Variants in TENM3 observed in about 807,000 individuals in gnomAD.
TENM3 encodes teneurin-3.
A neutral mutation model predicts 255.1 loss-of-function variants in TENM3; 63 were observed. The observed-to-expected ratio is 0.25, with a 90% CI of 0.20 to 0.30. The LOEUF (loss-of-function observed/expected upper bound fraction) is 0.30. Ranked by LOEUF, TENM3 falls within the 10% of genes least tolerant of loss-of-function variation. TENM3 has a pLI of 1.00. For missense variants in TENM3, 2,929 were observed against 3,461.1 expected (o/e 0.85, Z 3.86); for synonymous variants, 1,306 against 1,322.3 (o/e 0.99, Z 0.27).
chr4:182,254,553 G>T (rs1399470313), intron 1 of TENM3, among the ~76,000 whole-genome samples: 1 of 152,134 alleles, frequency 6.6e-6, no homozygotes, highest in Non-Finnish European at 1.5e-5. Context: ...TTTAAAAGCA[G>T]CAGAAGGCTT....
intron 13 of TENM3, among the ~76,000 whole-genome samples, chr4:182,728,039 G>C (rs942229576): frequency 6.6e-6 from 1 of 151,772 alleles, no homozygotes; most frequent in Non-Finnish European, 1.5e-5. Flanking sequence ...TTTAGAGATG[G>C]GGTTTCACCA....
At chr4:181,634,689 AT>A in the TENM3 span, among the ~76,000 whole-genome samples, 4 of 152,206 alleles carry the variant, frequency 2.6e-5, no homozygotes, top group Non-Finnish European at 5.9e-5. Context: ...ATGATCCATA[AT>A]TTACATCAAA....
intron 19 of TENM3, among the ~76,000 whole-genome samples, chr4:182,747,676 C>G (rs1455467852): frequency 6.6e-6 from 1 of 152,124 alleles, no homozygotes; most frequent in Admixed American, 6.5e-5. Context: ...TAAAAATCAA[C>G]TTTGTGAATT....
intron 5 of TENM3, among the ~76,000 whole-genome samples, chr4:182,646,512 C>T (rs1032154601): frequency 7.9e-5 from 12 of 152,004 alleles, no homozygotes; most frequent in African/African-American, 1.5e-4. Flanking sequence ...GAGGCCGAGG[C>T]GGGTGGATTG....
At chr4:182,100,536 T>TATATACACACAC in the TENM3 span, among the ~76,000 whole-genome samples, 2 of 121,566 alleles carry the variant, frequency 1.6e-5, no homozygotes, top group African/African-American at 7.3e-5. Flanking sequence ...TATACACACA[T>TATATACACACAC]ATATATATAC....
chr4:181,658,179 T>C, the TENM3 span, among the ~76,000 whole-genome samples: 1 of 152,202 alleles, frequency 6.6e-6, no homozygotes, highest in Admixed American at 6.5e-5. Context: ...AAAAAATACA[T>C]GAGAAGGTCA....
rs1404569905 is a variant in TENM3, at chr4:182,801,505, T to C, written c.*1154T>C. Reference sequence around the variant, plus strand: ...TTGCAAGTCAATGGGGAGTTGTTGATATAATTAACCCCGAGGTTTTTACTG... The same window carrying C: ...TTGCAAGTCAATGGGGAGTTGTTGACATAATTAACCCCGAGGTTTTTACTG... On this transcript the variant is annotated 3_prime_UTR_variant, in exon 28 of 28. Transcript: ENST00000511685. 2.0e-5 allele frequency: 3 copies of C among 152,194 alleles called. No homozygotes were observed. The highest frequency in any genetic ancestry group is 4.4e-5 in the Non-Finnish European group (3 of 68,030). The allele number at this position is 152,194 out of a possible 1,614,324, so 9.4% of individuals were successfully genotyped here.
intron 1 of TENM3, among the ~76,000 whole-genome samples, chr4:182,228,015 G>A (rs1055228411): frequency 1.3e-5 from 2 of 152,118 alleles, no homozygotes; most frequent in Non-Finnish European, 2.9e-5. Context: ...CATATTTGGA[G>A]TGTTTTTAAG....
chr4:181,973,031 CTG>C, the TENM3 span, among the ~76,000 whole-genome samples: 1 of 152,102 alleles, frequency 6.6e-6, no homozygotes, highest in Non-Finnish European at 1.5e-5. Flanking sequence ...ATTGACAAAA[CTG>C]GAATCAAAAG....
intron 3 of TENM3, among the ~76,000 whole-genome samples, chr4:182,435,052 T>C (rs905033897): frequency 6.6e-6 from 1 of 152,200 alleles, no homozygotes; most frequent in Non-Finnish European, 1.5e-5. Context: ...TCTGGAAATA[T>C]CCCAAGAAGA....
At chr4:182,451,690 C>T (rs1031620596) in intron 3 of TENM3, among the ~76,000 whole-genome samples, 6 of 152,042 alleles carry the variant, frequency 3.9e-5, no homozygotes, top group African/African-American at 1.2e-4. Flanking sequence ...AGAAAATGAC[C>T]CAAATTAAAG....
the TENM3 span, among the ~76,000 whole-genome samples, chr4:181,989,092 C>T: frequency 1.3e-5 from 2 of 151,958 alleles, no homozygotes; most frequent in Admixed American, 1.3e-4. Context: ...TATTGCGGAC[C>T]AGTGGTGTTT....
intron 3 of TENM3, among the ~76,000 whole-genome samples, chr4:182,383,948 G>A (rs570686189): frequency 3.9e-5 from 6 of 152,316 alleles, no homozygotes; most frequent in East Asian, 1.9e-4. Flanking sequence ...AGGCAGGACC[G>A]TATTTCTGTG....
At chr4:182,532,117 A>G (rs1225083898) in intron 3 of TENM3, among the ~76,000 whole-genome samples, 3 of 152,202 alleles carry the variant, frequency 2.0e-5, no homozygotes, top group African/African-American at 2.4e-5. Context: ...TTTCTAACAT[A>G]TTCTAAATCA....
At chr4:181,754,382 A>T in the TENM3 span, among the ~76,000 whole-genome samples, 1 of 152,098 alleles carries the variant, frequency 6.6e-6, no homozygotes, top group Admixed American at 6.6e-5. Flanking sequence ...AAAAAGACAG[A>T]TGTAAAATAA....
the TENM3 span, among the ~76,000 whole-genome samples, chr4:181,979,497 A>C: frequency 6.6e-6 from 1 of 152,140 alleles, no homozygotes; most frequent in Admixed American, 6.5e-5. Context: ...AGTAAGGTAT[A>C]TATAAAGTGA....
the TENM3 span, among the ~76,000 whole-genome samples, chr4:181,525,659 T>C: frequency 1.3e-5 from 2 of 152,198 alleles, no homozygotes; most frequent in Non-Finnish European, 2.9e-5. Context: ...TTTTTGTTTT[T>C]GTATAACTAG....
At chr4:181,485,257 G>A in the TENM3 span, among the ~76,000 whole-genome samples, 8 of 152,168 alleles carry the variant, frequency 5.3e-5, no homozygotes, top group East Asian at 1.5e-3. Context: ...ATTCAATAAA[G>A]CATTAAAATA....
At chr4:182,050,356 A>AT in the TENM3 span, among the ~76,000 whole-genome samples, 2 of 152,206 alleles carry the variant, frequency 1.3e-5, no homozygotes, top group South Asian at 4.1e-4. Flanking sequence ...TGAATCAAAC[A>AT]TTTATCTGAC....
Sources: gnomAD v4.1 joint callset for allele counts (sites outside exome capture counted in the v4.1 genomes callset) on GRCh38, gnomAD v4.1.1 for gene constraint, MANE v1.5 for transcripts, NCBI Gene and HGNC (gene_info 2026-07-23, HGNC 2026-07-21) for gene names.